Variants in C8orf34 observed in about 807,000 individuals in gnomAD.
C8orf34 encodes the protein chromosome 8 open reading frame 34.
Under a neutral mutation model 68.3 loss-of-function variants are expected in C8orf34, and 65 were observed. That is an observed-to-expected ratio of 0.95 (90% CI 0.78 to 1.17). The LOEUF is 1.17. Among genes scored for constraint, C8orf34 ranks in the 50% most tolerant of loss-of-function variants. The pLI, the probability that C8orf34 is intolerant of heterozygous loss-of-function variation, is 0.00. For missense variants in C8orf34, 664 were observed against 655.4 expected (o/e 1.01, Z -0.14); for synonymous variants, 244 against 241.2 (o/e 1.01, Z -0.11).
chr8:68,782,545 C>T (rs771192591), intron 11 of C8orf34, among the ~76,000 whole-genome samples: 3 of 150,650 alleles, frequency 2.0e-5, no homozygotes, highest in Admixed American at 2.0e-4. Flanking sequence ...TACAAGAGAT[C>T]ATCTAATCCA....
intron 8 of C8orf34, among the ~76,000 whole-genome samples, chr8:68,689,236 C>G (rs1820615867): frequency 6.6e-6 from 1 of 151,732 alleles, no homozygotes; most frequent in Non-Finnish European, 1.5e-5. Context: ...ACTTTGTGGA[C>G]TCGATGGAGG....
rs1554588219 is a variant in C8orf34 at position 68,630,967 on chromosome 8, T to TA, written c.1106-9403dup. On this transcript the variant is annotated intron_variant, in intron 7 of 13. Coordinates refer to ENST00000518698, the MANE Select transcript of C8orf34 (RefSeq NM_052958.4). ...GCTATTTTTTTTTTTTTTTTTTTTT[T>TA]AAAAAACAGGGCCCCAGCCAAGGTT... Among the ~76,000 whole-genome samples the TA allele has an allele frequency of 3.1e-3, 419 of 137,192 alleles. 2 individuals carry two copies. The highest frequency in any genetic ancestry group is 8.2e-3 in the African/African-American group (286 of 34,924). The allele number at this position is 137,192 out of a possible 152,430, so 90.0% of individuals were successfully genotyped here.
chr8:68,774,517 T>C (rs1304071737), intron 10 of C8orf34, among the ~76,000 whole-genome samples: 3 of 152,026 alleles, frequency 2.0e-5, no homozygotes, highest in African/African-American at 7.3e-5. Flanking sequence ...ATCTTATCCA[T>C]TGAAAATCCT....
At chr8:68,576,141 TACACACAC>T (rs112048534) in intron 7 of C8orf34, among the ~76,000 whole-genome samples, 1 of 149,126 alleles carries the variant, frequency 6.7e-6, no homozygotes, top group Non-Finnish European at 1.5e-5. Flanking sequence ...ATATTCTTTT[TACACACAC>T]ACACACACAC....
chr8:68,376,720 T>A (rs1228383366), intron 1 of C8orf34, among the ~76,000 whole-genome samples: 1 of 152,152 alleles, frequency 6.6e-6, no homozygotes, highest in Non-Finnish European at 1.5e-5. Flanking sequence ...GTCCAGTATG[T>A]TGTATGCCTT....
At chr8:68,793,689 C>T (rs541722032) in intron 12 of C8orf34, among the ~76,000 whole-genome samples, 2 of 152,278 alleles carry the variant, frequency 1.3e-5, no homozygotes, top group South Asian at 4.1e-4. Context: ...GGAAGAATAG[C>T]TAATGGATGC....
At chr8:68,794,506 T>TATATATATATATATATATATATATACA (rs58048066) in intron 12 of C8orf34, among the ~76,000 whole-genome samples, 22 of 58,916 alleles carry the variant, frequency 3.7e-4, no homozygotes, top group Non-Finnish European at 5.3e-4. Context: ...TATATATATA[T>TATATATATATATATATATATATATACA]TTTTTTTTTT....
At position 68,640,453 on chromosome 8, in the gene C8orf34, A is replaced by G. The variant is rs1818971622; in HGVS notation, c.1183A>G (p.Thr395Ala). 1 of 1,613,972 alleles carries G rather than the reference A, an allele frequency of 6.2e-7. No individual in the cohort carries two copies. The highest frequency in any genetic ancestry group is 8.5e-7 in the Non-Finnish European group (1 of 1,179,916). ...GAGCAAATTTAACCAAGGCCGTCCT[A>G]CTTACCCTGCTGAGCCTCAGGCCAA... ...SGSKFNQGRP[T>A]YPAEPQAKVT... Residue 395 changes from threonine to alanine, a missense_variant, in exon 8 of 14, where the codon ACT becomes GCT. By Grantham distance (58) the Thr-to-Ala change is moderately conservative. Transcript: ENST00000518698.
At chr8:68,772,651 G>A (rs28583055) in intron 10 of C8orf34, among the ~76,000 whole-genome samples, 63,334 of 151,556 alleles carry the variant, frequency 0.42, 13,840 homozygotes, top group African/African-American at 0.54. Context: ...TTTCAGAAAG[G>A]CCTTTTCTTT....
intron 8 of C8orf34, among the ~76,000 whole-genome samples, chr8:68,677,933 T>C (rs2130865593): frequency 6.6e-6 from 1 of 152,170 alleles, no homozygotes; most frequent in South Asian, 2.1e-4. Flanking sequence ...ATTCAAAGGA[T>C]TATTAGAGGC....
chr8:68,347,924 T>C (rs990139902), intron 1 of C8orf34, among the ~76,000 whole-genome samples: 1 of 152,132 alleles, frequency 6.6e-6, no homozygotes, highest in African/African-American at 2.4e-5. Context: ...CTGTTTACTC[T>C]GTGGATATTT....
At chr8:68,724,510 T>C (rs1392514471) in intron 10 of C8orf34, among the ~76,000 whole-genome samples, 1 of 152,202 alleles carries the variant, frequency 6.6e-6, no homozygotes, top group Non-Finnish European at 1.5e-5. Context: ...GCTTGGAATA[T>C]TTCTTGAATA....
chr8:68,383,019 G>A (rs181755778), intron 1 of C8orf34, among the ~76,000 whole-genome samples: 20 of 152,176 alleles, frequency 1.3e-4, no homozygotes, highest in Non-Finnish European at 1.3e-4. Context: ...TCTTTCTTTT[G>A]GCCTAGACAT....
intron 8 of C8orf34, chr8:68,695,677 T>C (rs925093991): frequency 6.6e-6 from 1 of 152,116 alleles, no homozygotes; most frequent in African/African-American, 2.4e-5. Context: ...ATACCCAATC[T>C]CATCTGATCT....
intron 9 of C8orf34, among the ~76,000 whole-genome samples, chr8:68,716,523 CA>C (rs1821477423): frequency 1.3e-5 from 2 of 151,942 alleles, no homozygotes; most frequent in African/African-American, 4.8e-5. Flanking sequence ...GTCCAACAAG[CA>C]GATGAAAAAT....
At chr8:68,803,810 G>A (rs1824402091) in intron 12 of C8orf34, among the ~76,000 whole-genome samples, 1 of 151,878 alleles carries the variant, frequency 6.6e-6, no homozygotes, top group Non-Finnish European at 1.5e-5. Flanking sequence ...GGTGATCAGT[G>A]GGTCATTTTT....
At chr8:68,386,829 T>C (rs1808282603) in intron 1 of C8orf34, among the ~76,000 whole-genome samples, 1 of 152,006 alleles carries the variant, frequency 6.6e-6, no homozygotes, top group South Asian at 2.1e-4. Flanking sequence ...CACTGTAGGA[T>C]GTTTGGCAGC....
At chr8:68,425,982 C>T (rs558981458) in intron 1 of C8orf34, among the ~76,000 whole-genome samples, 1 of 152,112 alleles carries the variant, frequency 6.6e-6, no homozygotes, top group East Asian at 1.9e-4. Flanking sequence ...AAAATTGACT[C>T]TTGACCTTAA....
chr8:68,816,384 T>C (rs1824820927), intron 13 of C8orf34, among the ~76,000 whole-genome samples: 1 of 152,172 alleles, frequency 6.6e-6, no homozygotes. Flanking sequence ...TCCATGAATA[T>C]GAGGCTACTT....
Sources: gnomAD v4.1 joint callset for allele counts (sites outside exome capture counted in the v4.1 genomes callset) on GRCh38, gnomAD v4.1.1 for gene constraint, MANE v1.5 for transcripts, NCBI Gene and HGNC (gene_info 2026-07-23, HGNC 2026-07-21) for gene names.